SETBP1: variants seen among roughly 807,000 people sequenced by gnomAD.
SETBP1 encodes SET binding protein 1.
Under a neutral mutation model 101.0 loss-of-function variants are expected in SETBP1, and 9 were observed. The ratio of observed to expected loss-of-function variants is 0.09; its 90% confidence interval spans 0.05 to 0.16. The LOEUF is 0.16. Ranked by LOEUF, SETBP1 falls within the 10% of genes least tolerant of loss-of-function variation. The pLI, the probability that SETBP1 is intolerant of heterozygous loss-of-function variation, is 1.00. For missense variants in SETBP1, 1,858 were observed against 2,033.8 expected (o/e 0.91, Z 1.66); for synonymous variants, 818 against 788.5 (o/e 1.04, Z -0.63).
chr18:44,867,840 C>G (rs1599248434), intron 2 of SETBP1, among the ~76,000 whole-genome samples: 1 of 152,198 alleles, frequency 6.6e-6, no homozygotes, highest in Non-Finnish European at 1.5e-5. Flanking sequence ...TTTAAGGAAG[C>G]TAAAAATTCC....
chr18:44,917,277 C>G (rs542806003), intron 3 of SETBP1, among the ~76,000 whole-genome samples: 1 of 152,274 alleles, frequency 6.6e-6, no homozygotes, highest in African/African-American at 2.4e-5. Context: ...GGTGGTGAGT[C>G]TTACTTGGTG....
At chr18:44,995,872 A>G (rs1189199396) in intron 4 of SETBP1, among the ~76,000 whole-genome samples, 1 of 152,218 alleles carries the variant, frequency 6.6e-6, no homozygotes, top group Non-Finnish European at 1.5e-5. Context: ...GCAGGGCCCT[A>G]AACACTTCCC....
At chr18:44,984,432 A>G (rs979237570) in intron 4 of SETBP1, among the ~76,000 whole-genome samples, 10 of 152,288 alleles carry the variant, frequency 6.6e-5, no homozygotes, top group Middle Eastern at 3.4e-3. Flanking sequence ...TCAGGCTCCT[A>G]TGAGAATCTA....
intron 1 of SETBP1, among the ~76,000 whole-genome samples, chr18:44,684,989 C>T (rs961114533): frequency 6.6e-6 from 1 of 152,146 alleles, no homozygotes; most frequent in Admixed American, 6.5e-5. Flanking sequence ...TAGAAACCAG[C>T]AGTTGACTTC....
chr18:45,021,293 T>C (rs1482802968), intron 4 of SETBP1, among the ~76,000 whole-genome samples: 2 of 152,228 alleles, frequency 1.3e-5, no homozygotes, highest in Admixed American at 6.5e-5. Flanking sequence ...ATTTTGACTA[T>C]TTTTAATCAG....
chr18:44,972,090 A>G (rs1239213332), intron 4 of SETBP1, among the ~76,000 whole-genome samples: 1 of 152,212 alleles, frequency 6.6e-6, no homozygotes, highest in Non-Finnish European at 1.5e-5. Context: ...AGCTTTCTAC[A>G]TATGGCTAGC....
chr18:44,768,752 C>T (rs1444456323), intron 2 of SETBP1, among the ~76,000 whole-genome samples: 5 of 152,176 alleles, frequency 3.3e-5, no homozygotes, highest in Non-Finnish European at 7.3e-5. Flanking sequence ...AAAGTATATA[C>T]GGAGATCTGT....
chr18:44,969,151 T>A (rs1242603541), intron 4 of SETBP1, among the ~76,000 whole-genome samples: 1 of 152,174 alleles, frequency 6.6e-6, no homozygotes, highest in East Asian at 1.9e-4. Flanking sequence ...CATTAAAAAA[T>A]AGAAGTCTCA....
chr18:44,992,720 GT>G (rs1555641620), intron 4 of SETBP1, among the ~76,000 whole-genome samples: 1 of 151,830 alleles, frequency 6.6e-6, no homozygotes, highest in Non-Finnish European at 1.5e-5. Flanking sequence ...TTTAAAAATC[GT>G]TTAAATAAAA....
intron 3 of SETBP1, among the ~76,000 whole-genome samples, chr18:44,886,534 G>A (rs972029231): frequency 5.3e-5 from 8 of 151,892 alleles, no homozygotes; most frequent in Non-Finnish European, 1.0e-4. Context: ...ATATTTATAT[G>A]TCAAGGTGGT....
intron 2 of SETBP1, among the ~76,000 whole-genome samples, chr18:44,827,551 C>T (rs1489935026): frequency 2.6e-5 from 4 of 152,264 alleles, no homozygotes; most frequent in East Asian, 3.9e-4. Context: ...ATATCATTGA[C>T]GGTCTTTTGT....
At chr18:44,717,699 T>G (rs1000548814) in intron 2 of SETBP1, among the ~76,000 whole-genome samples, 1 of 152,222 alleles carries the variant, frequency 6.6e-6, no homozygotes, top group Non-Finnish European at 1.5e-5. Context: ...AAAAAGCTGT[T>G]CTTAAACACA....
intron 2 of SETBP1, among the ~76,000 whole-genome samples, chr18:44,846,564 A>G (rs957043212): frequency 1.3e-5 from 2 of 152,192 alleles, no homozygotes; most frequent in Non-Finnish European, 2.9e-5. Flanking sequence ...TGAGCCTTAT[A>G]TGTTAAAAAA....
intron 2 of SETBP1, among the ~76,000 whole-genome samples, chr18:44,845,311 C>G (rs917037036): frequency 5.3e-5 from 8 of 152,156 alleles, no homozygotes; most frequent in Admixed American, 3.3e-4. Context: ...CATCCAGCCC[C>G]CTTCCACTCT....
At chr18:44,770,079 C>G (rs1324442556) in intron 2 of SETBP1, among the ~76,000 whole-genome samples, 1 of 152,226 alleles carries the variant, frequency 6.6e-6, no homozygotes, top group Non-Finnish European at 1.5e-5. Flanking sequence ...TTCCCCTCCT[C>G]CCAGCTCTTT....
At chr18:44,822,683 A>G (rs1028167541) in intron 2 of SETBP1, among the ~76,000 whole-genome samples, 2 of 152,198 alleles carry the variant, frequency 1.3e-5, no homozygotes, top group Admixed American at 6.5e-5. Flanking sequence ...CTTGCTCCCT[A>G]TGGCAGCTAC....
intron 2 of SETBP1, among the ~76,000 whole-genome samples, chr18:44,746,466 A>G (rs2070249511): frequency 6.6e-6 from 1 of 152,216 alleles, no homozygotes; most frequent in Non-Finnish European, 1.5e-5. Context: ...CAGGAAAAAG[A>G]ACATATTTTT....
chr18:44,829,342 C>A (rs1326004319), intron 2 of SETBP1, among the ~76,000 whole-genome samples: 1 of 152,030 alleles, frequency 6.6e-6, no homozygotes, highest in African/African-American at 2.4e-5. Flanking sequence ...TTTTTTTGGT[C>A]AAGTATAATT....
At chr18:44,808,783 T>G (rs2071801327) in intron 2 of SETBP1, among the ~76,000 whole-genome samples, 1 of 152,126 alleles carries the variant, frequency 6.6e-6, no homozygotes, top group South Asian at 2.1e-4. Context: ...GGGAAGAGAT[T>G]TCAGAAATTG....
Sources: allele counts gnomAD v4.1 joint callset (sites outside exome capture counted in the v4.1 genomes callset), GRCh38; gene constraint gnomAD v4.1.1; transcripts MANE v1.5; gene names NCBI Gene and HGNC (gene_info 2026-07-23, HGNC 2026-07-21).